SDK2: variants seen among roughly 807,000 people sequenced by gnomAD.
The protein encoded by SDK2 is protein sidekick-2.
SDK2 carries 105 observed loss-of-function variants against 253.9 expected under a neutral mutation model. That is an observed-to-expected ratio of 0.41 (90% confidence interval 0.35 to 0.49). The LOEUF (loss-of-function observed/expected upper bound fraction) is 0.49. Ranked by LOEUF, SDK2 falls within the 20% of genes least tolerant of loss-of-function variation. SDK2 has a pLI of 0.06. For synonymous variants in SDK2, 1,249 were observed against 1,234.9 expected, an observed-to-expected ratio of 1.01 and a Z score of -0.24; for missense variants, 2,608 against 3,003.0, an observed-to-expected ratio of 0.87 and a Z score of 3.07.
At chr17:73,635,792 T>C (rs2046322745) in intron 1 of SDK2, among the ~76,000 whole-genome samples, 1 of 151,760 alleles carries the variant, frequency 6.6e-6, no homozygotes, top group Non-Finnish European at 1.5e-5. Context: ...AAGCCAGTTC[T>C]GAATGCCCCA....
intron 1 of SDK2, among the ~76,000 whole-genome samples, chr17:73,598,590 T>A (rs2045792548): frequency 6.6e-6 from 1 of 152,196 alleles, no homozygotes; most frequent in Admixed American, 6.5e-5. Flanking sequence ...AACCCATCAC[T>A]GTCAGTAAAT....
chr17:73,529,083 C>T (rs1367007199), intron 1 of SDK2, among the ~76,000 whole-genome samples: 1 of 152,184 alleles, frequency 6.6e-6, no homozygotes, highest in Non-Finnish European at 1.5e-5. Context: ...GTAAATACCT[C>T]CTTTAGGGGC....
At chr17:73,470,902 T>A (rs2063644967) in intron 3 of SDK2, among the ~76,000 whole-genome samples, 1 of 152,114 alleles carries the variant, frequency 6.6e-6, no homozygotes, top group African/African-American at 2.4e-5. Context: ...CAACAGCCCA[T>A]AATGAGCCTC....
At position 73,612,443 on chromosome 17, in the gene SDK2, C is replaced by A. The variant is rs1387237621; in HGVS notation, c.64+31582G>T. Among the ~76,000 whole-genome samples, 1 of 152,174 alleles carries A rather than the reference C, an allele frequency of 6.6e-6. No individual in the cohort carries two copies. The highest frequency in any genetic ancestry group is 1.5e-5 in the Non-Finnish European group (1 of 68,028). ...CAGGCTGGCCTCCCAAGGTCCCCTACCCTCACTGGGTCCTTGTGGCCCTGC... is the reference window on the plus strand; with the variant it reads ...CAGGCTGGCCTCCCAAGGTCCCCTAACCTCACTGGGTCCTTGTGGCCCTGC... On this transcript the variant is annotated intron_variant, in intron 1 of 44. Transcript: ENST00000392650. This position sits in a 1 kb window ranked among gnomAD's most constrained non-coding sequence, Gnocchi z 4.4.
intron 2 of SDK2, among the ~76,000 whole-genome samples, chr17:73,493,131 C>G (rs528595437): frequency 6.6e-6 from 1 of 152,266 alleles, no homozygotes; most frequent in Admixed American, 6.5e-5. Context: ...GCCCACCCTC[C>G]CCTCCCCAAG....
At chr17:73,444,695 C>T (rs1331333387) in intron 5 of SDK2, among the ~76,000 whole-genome samples, 1 of 152,240 alleles carries the variant, frequency 6.6e-6, no homozygotes, top group Non-Finnish European at 1.5e-5. Flanking sequence ...TCATTTAGTC[C>T]TCCCAACTTT....
At chr17:73,613,614 T>G (rs1343580260) in intron 1 of SDK2, among the ~76,000 whole-genome samples, 1 of 26,998 alleles carries the variant, frequency 3.7e-5, no homozygotes, top group Admixed American at 2.9e-4. Context: ...CCCAGCCCCC[T>G]CCCCCTACAT....
rs183091112 is a variant in SDK2, at chr17:73,337,447, G to A, written c.*1140C>T. 3 of 152,174 alleles carry A rather than the reference G, an allele frequency of 2.0e-5. No homozygotes were observed. In the East Asian group the frequency reaches 5.9e-4, roughly 30 times the overall value. 9.4% of individuals were successfully genotyped at this position (152,174 alleles called of 1,614,324 possible). ...TGTGCTGTCTGGCTAGGAGGGCCCA[G>A]ATGAGTTTGTTCTGGAGAGGATCCC... On this transcript the variant is annotated 3_prime_UTR_variant, in exon 45 of 45. Transcript: ENST00000392650.
rs763793286 is a variant in SDK2, at chr17:73,401,917, C to A, written c.2680+29G>T. 9 of 1,515,076 alleles carry A rather than the reference C, an allele frequency of 5.9e-6. No homozygotes were observed. The Admixed American group carries it at 9.4e-5, about 16-fold the overall frequency. 93.9% of individuals were successfully genotyped at this position (1,515,076 alleles called of 1,614,324 possible). Reference sequence around the variant, plus strand: ...CAGCCTGGCCTTGGGCGGGGGGGGGCAGAAAGAGCAGGGCTGGGGGGTGCC... The same window carrying A: ...CAGCCTGGCCTTGGGCGGGGGGGGGAAGAAAGAGCAGGGCTGGGGGGTGCC... On this transcript the variant is annotated intron_variant, in intron 19 of 44. Transcript: ENST00000392650.
chr17:73,551,413 G>A lies in SDK2; in HGVS notation c.65-43816C>T, dbSNP rs114919616. 3.1e-3 allele frequency among the ~76,000 whole-genome samples: 474 copies of A among 152,308 alleles called. 4 individuals are homozygous for A. The highest frequency in any genetic ancestry group is 0.011 in the African/African-American group (461 of 41,562). Reference sequence around the variant, plus strand: ...TAACATGTTGCCGGGAGTCACTGACGGTCTAAGTGAGCCCAGGAGCCTCGC... The same window carrying A: ...TAACATGTTGCCGGGAGTCACTGACAGTCTAAGTGAGCCCAGGAGCCTCGC... On this transcript the variant is annotated intron_variant, in intron 1 of 44. Coordinates refer to ENST00000392650, the MANE Select transcript of SDK2 (RefSeq NM_001144952.2).
At chr17:73,553,003 T>C (rs545986764) in intron 1 of SDK2, among the ~76,000 whole-genome samples, 1 of 152,304 alleles carries the variant, frequency 6.6e-6, no homozygotes, top group South Asian at 2.1e-4. Flanking sequence ...TCCCAACCCT[T>C]TGGGATTGGC....
intron 39 of SDK2, among the ~76,000 whole-genome samples, chr17:73,359,267 C>G (rs940101856): frequency 4.6e-5 from 7 of 151,996 alleles, no homozygotes; most frequent in African/African-American, 1.4e-4. Flanking sequence ...AGCAGGCCCT[C>G]CTTACACAGC....
At chr17:73,580,834 G>A (rs1033120525) in intron 1 of SDK2, among the ~76,000 whole-genome samples, 1 of 152,186 alleles carries the variant, frequency 6.6e-6, no homozygotes, top group Non-Finnish European at 1.5e-5. Flanking sequence ...TCCCAAATAG[G>A]AAAATCCAAA....
chr17:73,413,128 AC>A (rs2063153205), intron 18 of SDK2, among the ~76,000 whole-genome samples: 1 of 152,152 alleles, frequency 6.6e-6, no homozygotes, highest in South Asian at 2.1e-4. Context: ...ATCTGTACTT[AC>A]AGCTGCTCCC....
At chr17:73,636,749 T>C (rs1376022202) in intron 1 of SDK2, among the ~76,000 whole-genome samples, 2 of 136,172 alleles carry the variant, frequency 1.5e-5, no homozygotes, top group Non-Finnish European at 3.2e-5. Context: ...GTGGAAGATA[T>C]GGGTGAAATA....
At chr17:73,604,535 A>T (rs1310414064) in intron 1 of SDK2, among the ~76,000 whole-genome samples, 1 of 152,120 alleles carries the variant, frequency 6.6e-6, no homozygotes, top group Non-Finnish European at 1.5e-5. Context: ...CTCCACTGCC[A>T]CCTCCTGTTC....
At position 73,492,270 on chromosome 17, in the gene SDK2, G is replaced by C. The variant is rs117276801; in HGVS notation, c.224+15168C>G. 1.8e-4 allele frequency among the ~76,000 whole-genome samples: 27 copies of C among 152,276 alleles called. No individual in the cohort carries two copies. The East Asian group carries it at 5.2e-3, about 30-fold the overall frequency. Reference sequence around the variant, plus strand: ...ACCGAGTGCTGATTTGGTTTCCTAAGCAGCAGTAGGTAGCTGAGCAGAGTA... The same window carrying C: ...ACCGAGTGCTGATTTGGTTTCCTAACCAGCAGTAGGTAGCTGAGCAGAGTA... On this transcript the variant is annotated intron_variant, in intron 2 of 44. Coordinates refer to ENST00000392650, the MANE Select transcript of SDK2 (RefSeq NM_001144952.2).
At chr17:73,384,085 C>T in intron 32 of SDK2, 74 bp from the exon 33 acceptor site, 1 of 1,483,634 alleles carries the variant, frequency 6.7e-7, no homozygotes, top group Non-Finnish European at 9.2e-7. Context: ...TCTCATCATG[C>T]CTCCTGCAGC....
intron 1 of SDK2, among the ~76,000 whole-genome samples, chr17:73,561,160 G>C (rs1433171262): frequency 2.0e-5 from 3 of 152,210 alleles, no homozygotes; most frequent in Non-Finnish European, 2.9e-5. Context: ...GCCCGAGATG[G>C]GGCCAAGGGA....
Sources: gnomAD v4.1 joint callset for allele counts (sites outside exome capture counted in the v4.1 genomes callset) on GRCh38, gnomAD v4.1.1 for gene constraint, Gnocchi (gnomAD v3.1) non-coding constraint, MANE v1.5 for transcripts, NCBI Gene and HGNC (gene_info 2026-07-23, HGNC 2026-07-21) for gene names.